GADL1: variants seen among roughly 807,000 people sequenced by gnomAD.
GADL1 encodes GAD like acidic amino acid decarboxylase 1, also known as acidic amino acid decarboxylase GADL1.
GADL1 carries 71 observed loss-of-function variants against 69.5 expected under a neutral mutation model. That is an observed-to-expected ratio of 1.02 (90% CI 0.84 to 1.25). GADL1 has a LOEUF of 1.25. Among genes scored for constraint, GADL1 ranks in the 50% most tolerant of loss-of-function variants. The pLI is 0.00. For synonymous variants in GADL1, 254 were observed against 214.4 expected, an observed-to-expected ratio of 1.18 and a Z score of -1.62; for missense variants, 737 against 631.8, an observed-to-expected ratio of 1.17 and a Z score of -1.79.
chr3:30,746,995 T>G lies in GADL1; in HGVS notation c.1393-18580A>C, dbSNP rs928253616. Reference sequence around the variant, plus strand: ...TTTAGGCCAGGAATTTTCCACTCTTTATCCTCACAGGCCCTTTTTGGTACC... The same window carrying G: ...TTTAGGCCAGGAATTTTCCACTCTTGATCCTCACAGGCCCTTTTTGGTACC... On this transcript the variant is annotated intron_variant, in intron 14 of 14. Transcript: ENST00000282538. Among the ~76,000 whole-genome samples, 6 of 152,170 alleles carry G rather than the reference T, an allele frequency of 3.9e-5. 1 individual carries two copies. Among genetic ancestry groups the G allele is most frequent in the Admixed American group, 3.9e-4 (6 of 15,274 alleles).
chr3:30,867,285 T>C (rs977625142), intron 1 of GADL1, among the ~76,000 whole-genome samples: 4 of 151,896 alleles, frequency 2.6e-5, no homozygotes, highest in African/African-American at 9.7e-5. Context: ...ATGGCTATTC[T>C]GGGTGACCTC....
intron 12 of GADL1, chr3:30,797,807 T>A (rs180998246): frequency 6.6e-6 from 1 of 152,190 alleles, no homozygotes; most frequent in Non-Finnish European, 1.5e-5. Flanking sequence ...AAAATCCAGG[T>A]TTTTTATAAA....
At chr3:30,866,671 C>G (rs1219800162) in intron 1 of GADL1, among the ~76,000 whole-genome samples, 2 of 149,146 alleles carry the variant, frequency 1.3e-5, no homozygotes, top group Non-Finnish European at 3.0e-5. Flanking sequence ...GCAGAGCTTC[C>G]TCCACCATGT....
Position 30,778,224 on chromosome 3 carries a change from G to A in GADL1, c.1347C>T (p.Leu449=). ...ACTCGGGTCCTTCTTCCATCTCTCT[G>A]AGGCTCGGTGGAATGTACCAAAAGC... ...NICFWYIPPS[L]REMEEGPEFW... Residue 449 remains leucine, a synonymous_variant, in exon 14 of 15, where the codon CTC becomes CTT. Coordinates refer to ENST00000282538, the MANE Select transcript of GADL1 (RefSeq NM_207359.3). The A allele has an allele frequency of 6.2e-7, 1 of 1,612,786 alleles. No homozygotes were observed. Among genetic ancestry groups the A allele is most frequent in the Non-Finnish European group, 8.5e-7 (1 of 1,178,976 alleles).
Position 30,874,689 on chromosome 3 carries a change from G to A in GADL1, c.38-12924C>T, listed in dbSNP as rs117837290. 5.1e-3 allele frequency among the ~76,000 whole-genome samples: 782 copies of A among 151,898 alleles called. 4 individuals carry two copies. Among genetic ancestry groups the A allele is most frequent in the Non-Finnish European group, 7.6e-3 (519 of 67,894 alleles). ...CATCTAGAACCTATTTCATATAATC[G>A]TAGCTAGCATTTATTTAGTGCTTAC... On this transcript the variant is annotated intron_variant, in intron 1 of 14. Transcript: ENST00000282538.
intron 1 of GADL1, among the ~76,000 whole-genome samples, chr3:30,863,418 T>C (rs1698351021): frequency 6.6e-6 from 1 of 151,962 alleles, no homozygotes; most frequent in African/African-American, 2.4e-5. Flanking sequence ...ATTGACTAAA[T>C]GTTAAAAGTC....
intron 11 of GADL1, 107 bp from the exon 12 acceptor site, chr3:30,801,195 G>T: frequency 5.1e-6 from 4 of 790,706 alleles, no homozygotes; most frequent in South Asian, 1.7e-5. Flanking sequence ...TGTGCCAAGT[G>T]TACATCTCAC....
intron 5 of GADL1, among the ~76,000 whole-genome samples, chr3:30,850,386 C>T (rs746455101): frequency 6.6e-6 from 1 of 152,058 alleles, no homozygotes; most frequent in Non-Finnish European, 1.5e-5. Context: ...AATCTGTGAG[C>T]TCTGGACTTA....
intron 13 of GADL1, among the ~76,000 whole-genome samples, chr3:30,785,328 T>G (rs550605793): frequency 1.1e-3 from 167 of 152,150 alleles, no homozygotes; most frequent in African/African-American, 3.9e-3. Context: ...CATGACATAG[T>G]AATTGTTCAA....
intron 14 of GADL1, among the ~76,000 whole-genome samples, chr3:30,751,562 C>G (rs7640168): frequency 6.6e-6 from 1 of 150,726 alleles, no homozygotes; most frequent in Non-Finnish European, 1.5e-5. Context: ...ATCTAGTAGA[C>G]TAGAAAAAAG....
At chr3:30,859,632 C>T (rs1418107861) in intron 2 of GADL1, among the ~76,000 whole-genome samples, 1 of 151,866 alleles carries the variant, frequency 6.6e-6, no homozygotes, top group African/African-American at 2.4e-5. Context: ...AACCACACCC[C>T]AAAGGGGTAA....
chr3:30,728,432 G>C lies in GADL1; in HGVS notation c.1393-17C>G, dbSNP rs929541759. ...TGGGGCCACCTGTGTGGGGAGAAAA[G>C]GGGAGAGGGGTGAAAGACCAGAACA... On this transcript the variant is annotated splice_polypyrimidine_tract_variant and intron_variant, in intron 14 of 14. Transcript: ENST00000282538. 5.0e-6 allele frequency: 8 copies of C among 1,609,224 alleles called. No homozygotes were observed. The African/African-American group carries it at 9.4e-5, about 19-fold the overall frequency.
At chr3:30,785,851 GA>G (rs1203852091) in intron 13 of GADL1, among the ~76,000 whole-genome samples, 1 of 152,000 alleles carries the variant, frequency 6.6e-6, no homozygotes, top group Non-Finnish European at 1.5e-5. Context: ...ACATGTTTTA[GA>G]AAAAAATATT....
At chr3:30,855,434 C>T (rs1387441085) in intron 3 of GADL1, among the ~76,000 whole-genome samples, 1 of 151,994 alleles carries the variant, frequency 6.6e-6, no homozygotes. Context: ...CAGAGTTCAC[C>T]CCAGGCTATG....
chr3:30,802,752 T>TA (rs1402573636), intron 11 of GADL1, among the ~76,000 whole-genome samples: 1 of 152,158 alleles, frequency 6.6e-6, no homozygotes, highest in Non-Finnish European at 1.5e-5. Context: ...ATATACCAAA[T>TA]ATAACCAAGA....
chr3:30,756,741 C>T (rs567468163), intron 14 of GADL1, among the ~76,000 whole-genome samples: 41 of 152,150 alleles, frequency 2.7e-4, no homozygotes, highest in Non-Finnish European at 5.1e-4. Flanking sequence ...CATCCTTGTC[C>T]ACCCTTCAGC....
intron 11 of GADL1, among the ~76,000 whole-genome samples, chr3:30,828,560 A>G (rs1697729578): frequency 6.6e-6 from 1 of 151,808 alleles, no homozygotes; most frequent in African/African-American, 2.4e-5. Context: ...TTGCAAGCTT[A>G]TCTCCAAGCC....
intron 1 of GADL1, among the ~76,000 whole-genome samples, chr3:30,879,625 T>A (rs1698618327): frequency 6.6e-6 from 1 of 151,898 alleles, no homozygotes; most frequent in East Asian, 1.9e-4. Context: ...TAATAAGAAA[T>A]CAAGAATGTG....
At chr3:30,768,060 C>T (rs1575194751) in intron 14 of GADL1, among the ~76,000 whole-genome samples, 1 of 139,178 alleles carries the variant, frequency 7.2e-6, no homozygotes, top group Non-Finnish European at 1.5e-5. Context: ...ATCCTTATAA[C>T]ACCCAATGTT....
Sources: gnomAD v4.1 joint callset for allele counts (sites outside exome capture counted in the v4.1 genomes callset) on GRCh38, gnomAD v4.1.1 for gene constraint, MANE v1.5 for transcripts, NCBI Gene and HGNC (gene_info 2026-07-23, HGNC 2026-07-21) for gene names.